The following MARCHF10 variants were observed in gnomAD, a reference collection of about 807,000 sequenced individuals.
MARCHF10 encodes the protein probable E3 ubiquitin-protein ligase MARCHF10.
MARCHF10 carries 64 observed loss-of-function variants against 76.2 expected under a neutral mutation model. That is an observed-to-expected ratio of 0.84 (90% CI 0.69 to 1.03). MARCHF10 has a LOEUF of 1.03. MARCHF10 is among the 50% of genes least tolerant of loss of function. The pLI is 0.00. For synonymous variants in MARCHF10, 340 were observed against 357.5 expected, an observed-to-expected ratio of 0.95 and a Z score of 0.55; for missense variants, 875 against 958.0, an observed-to-expected ratio of 0.91 and a Z score of 1.14.
At chr17:62,707,695 A>G (rs1032419917) in intron 9 of MARCHF10, 1 of 152,258 alleles carries the variant, frequency 6.6e-6, no homozygotes, top group African/African-American at 2.4e-5. Flanking sequence ...CATCTGACCC[A>G]ACCTTCCGTT....
intron 3 of MARCHF10, among the ~76,000 whole-genome samples, chr17:62,766,799 C>T (rs184748467): frequency 5.9e-4 from 90 of 152,228 alleles, no homozygotes; most frequent in Admixed American, 2.0e-4. Flanking sequence ...TCTTTAACAC[C>T]GTGCTAGGCT....
intron 6 of MARCHF10, among the ~76,000 whole-genome samples, chr17:62,730,458 T>C (rs2090976539): frequency 6.6e-6 from 1 of 152,238 alleles, no homozygotes; most frequent in Non-Finnish European, 1.5e-5. Context: ...AATTTAAGTA[T>C]AGCTACCATG....
At chr17:62,705,394 T>G in intron 10 of MARCHF10, 145 bp downstream of exon 10, 7 of 1,546,568 alleles carry the variant, frequency 4.5e-6, no homozygotes, top group Non-Finnish European at 6.1e-6. Flanking sequence ...TTGCTGCGGC[T>G]GACTTTCCCA....
intron 8 of MARCHF10, among the ~76,000 whole-genome samples, chr17:62,713,714 G>A (rs904340978): frequency 2.6e-5 from 4 of 152,170 alleles, no homozygotes; most frequent in Non-Finnish European, 5.9e-5. Context: ...TTTGGAGCAG[G>A]GCTTACTGGA....
rs535409107 is a variant in MARCHF10, at chr17:62,724,707, A to G, written c.2104+231T>C. On this transcript the variant is annotated intron_variant, in intron 7 of 10. Transcript: ENST00000311269. ...TTCCCAGGAGTCTTCTCTCAGATAA[A>G]AGCAAAAAACAAAAAACAAACCAAA... Among the ~76,000 whole-genome samples the G allele has an allele frequency of 2.0e-5, 3 of 152,302 alleles. No homozygotes were observed. In the East Asian group the frequency reaches 5.8e-4, roughly 29 times the overall value.
intron 3 of MARCHF10, among the ~76,000 whole-genome samples, chr17:62,781,617 G>A (rs548857365): frequency 1.3e-5 from 2 of 152,310 alleles, no homozygotes; most frequent in South Asian, 4.1e-4. Context: ...AGCAGTTAGA[G>A]CCACTGGTTG....
rs1555719592 is a variant in MARCHF10 at position 62,795,382 on chromosome 17, A to AAG, written c.90+6263_90+6264insCT. On this transcript the variant is annotated intron_variant, in intron 2 of 10. Coordinates refer to ENST00000311269, the MANE Select transcript of MARCHF10 (RefSeq NM_152598.4). ...AAAAAAAAAAAAAAAAAAAAAAAAA[A>AAG]AAGAAGCTAGGCAGCATGAAAATCC... Among the ~76,000 whole-genome samples, 105 of 111,998 alleles carry AAG rather than the reference A, an allele frequency of 9.4e-4. 10 individuals are homozygous for AAG. Among genetic ancestry groups the AAG allele is most frequent in the African/African-American group, 3.4e-3 (94 of 27,412 alleles). The allele number at this position is 111,998 out of a possible 152,430, so 73.5% of individuals were successfully genotyped here.
chr17:62,764,208 T>G (rs1254078985), intron 3 of MARCHF10, among the ~76,000 whole-genome samples: 1 of 152,184 alleles, frequency 6.6e-6, no homozygotes, highest in Non-Finnish European at 1.5e-5. Context: ...GCAAGTAGAC[T>G]AAGGCAGTCG....
chr17:62,738,099 C>CACACACACACACACACA lies in MARCHF10; in HGVS notation c.536-768_536-767insTGTGTGTGTGTGTGTGT, dbSNP rs891701478. 1.3e-5 allele frequency among the ~76,000 whole-genome samples: 2 copies of CACACACACACACACACA among 151,142 alleles called. No homozygotes were observed. Among genetic ancestry groups the CACACACACACACACACA allele is most frequent in the Admixed American group, 6.6e-5 (1 of 15,160 alleles). On this transcript the variant is annotated intron_variant, in intron 5 of 10. Coordinates refer to ENST00000311269, the MANE Select transcript of MARCHF10 (RefSeq NM_152598.4). This position sits in a 1 kb window ranked among gnomAD's most constrained non-coding sequence, Gnocchi z 4.0. ...ACACACACACACACACACACACACACAACTTAAGCCTCACAACCCTGTGAA... is the reference window on the plus strand; with the variant it reads ...ACACACACACACACACACACACACACACACACACACACACACAAACTTAAGCCTCACAACCCTGTGAA...
rs762603031 is a variant in MARCHF10 at position 62,736,473 on chromosome 17, T to G, written c.1395A>C (p.Ser465=). The G allele has an allele frequency of 6.2e-7, 1 of 1,614,224 alleles. No individual in the cohort carries two copies. The highest frequency in any genetic ancestry group is 1.7e-5 in the Admixed American group (1 of 60,030). The change falls in exon 6 of 11, where the codon TCA becomes TCC. Residue 465 remains serine, a synonymous_variant. Coordinates refer to ENST00000311269, the MANE Select transcript of MARCHF10 (RefSeq NM_152598.4). ...ISGRPISPRS[S]VNSSYNPPAS... ...CAGGAGGGTTATAGGATGAATTCAC[T>G]GATGATCTTGGAGATATTGGTCTGC...
At chr17:62,779,243 C>T (rs545643531) in intron 3 of MARCHF10, among the ~76,000 whole-genome samples, 10 of 152,278 alleles carry the variant, frequency 6.6e-5, no homozygotes, top group Admixed American at 3.3e-4. Flanking sequence ...CGTGTGCATG[C>T]GCGACCTGCC....
intron 2 of MARCHF10, among the ~76,000 whole-genome samples, chr17:62,792,752 C>CACT (rs2092876677): frequency 7.1e-6 from 1 of 140,850 alleles, no homozygotes; most frequent in African/African-American, 2.6e-5. Flanking sequence ...CCACCTCCAT[C>CACT]ACCACCACCA....
intron 9 of MARCHF10, chr17:62,706,601 A>G (rs1161817674): frequency 6.6e-6 from 1 of 152,210 alleles, no homozygotes; most frequent in African/African-American, 2.4e-5. Flanking sequence ...GGCACAGTCC[A>G]TCCAGTCTCA....
At chr17:62,757,163 CA>C (rs1406742081) in intron 4 of MARCHF10, among the ~76,000 whole-genome samples, 1 of 152,038 alleles carries the variant, frequency 6.6e-6, no homozygotes, top group Non-Finnish European at 1.5e-5. Flanking sequence ...TGGTATAACA[CA>C]GGAAGTTATA....
At chr17:62,762,564 G>A (rs1047293973) in intron 3 of MARCHF10, among the ~76,000 whole-genome samples, 9 of 151,428 alleles carry the variant, frequency 5.9e-5, no homozygotes, top group Admixed American at 5.9e-4. Flanking sequence ...TCTTTTTTCT[G>A]GAGACAGAGT....
Position 62,737,163 on chromosome 17 carries a change from C to G in MARCHF10, c.705G>C (p.Leu235=). The part of the protein sequence containing the change: ...APSQSELHPA[L]SQAFQGKNSP... ...TATTTTTTCCTTGGAAGGCCTGGGA[C>G]AGGGCTGGATGCAGCTCACTCTGGG... Residue 235 remains leucine (L), a synonymous_variant, in exon 6 of 11, where the codon CTG becomes CTC. Coordinates refer to ENST00000311269, the MANE Select transcript of MARCHF10 (RefSeq NM_152598.4). 6 of 1,614,080 alleles carry G rather than the reference C, an allele frequency of 3.7e-6. No individual in the cohort carries two copies. Among genetic ancestry groups the G allele is most frequent in the South Asian group, 1.1e-5 (1 of 91,064 alleles).
At chr17:62,782,844 T>C (rs73992063) in intron 3 of MARCHF10, among the ~76,000 whole-genome samples, 5,125 of 152,192 alleles carry the variant, frequency 0.034, 301 homozygotes, top group African/African-American at 0.11. Context: ...ACAAGTTGAA[T>C]GGCTGTTAAG....
chr17:62,729,236 C>A (rs2090907196), intron 6 of MARCHF10, among the ~76,000 whole-genome samples: 1 of 151,972 alleles, frequency 6.6e-6, no homozygotes, highest in Admixed American at 6.6e-5. Flanking sequence ...AGCCACTGTG[C>A]CTGGCCTGAA....
intron 3 of MARCHF10, among the ~76,000 whole-genome samples, chr17:62,782,915 G>T (rs1466202957): frequency 6.6e-6 from 1 of 152,110 alleles, no homozygotes; most frequent in African/African-American, 2.4e-5. Context: ...GTGTCCAGGG[G>T]CAAATCCTCC....
Sources: allele counts gnomAD v4.1 joint callset (sites outside exome capture counted in the v4.1 genomes callset), GRCh38; gene constraint gnomAD v4.1.1; non-coding constraint Gnocchi (gnomAD v3.1); transcripts MANE v1.5; gene names NCBI Gene and HGNC (gene_info 2026-07-23, HGNC 2026-07-21).